SGMS2: variants seen among roughly 807,000 people sequenced by gnomAD.
The protein encoded by SGMS2 is sphingomyelin synthase 2.
SGMS2 carries 21 observed loss-of-function variants against 43.8 expected under a neutral mutation model. The observed-to-expected ratio is 0.48, with a 90% CI of 0.34 to 0.69. The LOEUF (loss-of-function observed/expected upper bound fraction) is 0.69. Among genes scored for constraint, SGMS2 ranks in the 30% least tolerant of loss-of-function variants. The pLI is 0.01. For synonymous variants in SGMS2, 167 were observed against 160.6 expected (o/e 1.04, Z -0.30); for missense variants, 384 against 443.2 (o/e 0.87, Z 1.20).
Position 107,910,403 on chromosome 4 carries a change from C to T in SGMS2, c.948C>T (p.Pro316=). The T allele has an allele frequency of 1.2e-6, 2 of 1,614,066 alleles. No homozygotes were observed. The highest frequency in any genetic ancestry group is 1.7e-6 in the Non-Finnish European group (2 of 1,180,002). The change falls in exon 7 of 7, where the codon CCC becomes CCT. Residue 316 remains proline (P), a synonymous_variant. Coordinates refer to ENST00000690982, the MANE Select transcript of SGMS2 (RefSeq NM_001375905.1). ...TNFLSRAWWF[P]IFYFFEKNVQ... is the part of the protein sequence containing the mutation. ...TCTTATCTCGAGCATGGTGGTTCCC[C>T]ATCTTTTATTTTTTTGAGAAAAATG... is the stretch of plus-strand genomic sequence containing the variant.
intron 2 of SGMS2, among the ~76,000 whole-genome samples, chr4:107,871,787 G>T (rs1350261356): frequency 6.6e-6 from 1 of 152,088 alleles, no homozygotes; most frequent in East Asian, 1.9e-4. Flanking sequence ...AAAAACGTCT[G>T]CATTGAAGGT....
intron 2 of SGMS2, among the ~76,000 whole-genome samples, chr4:107,862,903 G>A (rs1050013061): frequency 2.6e-5 from 4 of 152,122 alleles, no homozygotes; most frequent in Admixed American, 6.6e-5. Flanking sequence ...AGGAAATGCC[G>A]CCTCTACAAG....
intron 1 of SGMS2, among the ~76,000 whole-genome samples, chr4:107,848,014 A>G (rs1726931264): frequency 6.6e-6 from 1 of 152,154 alleles, no homozygotes; most frequent in Non-Finnish European, 1.5e-5. Flanking sequence ...TGTAGCTCTC[A>G]TTGTAGTACT....
In SGMS2 at chr4:107,908,360, C is replaced by T. The variant is rs11724020; in HGVS notation, c.728-205C>T. ...CAGCTTCCCCAGTGAATGACTATTACGCCCGCTGCCAGGGAGCCCCTCTGC... is the reference window on the plus strand; with the variant it reads ...CAGCTTCCCCAGTGAATGACTATTATGCCCGCTGCCAGGGAGCCCCTCTGC... On this transcript the variant is annotated intron_variant, in intron 5 of 6. Coordinates refer to ENST00000690982, the MANE Select transcript of SGMS2 (RefSeq NM_001375905.1). The T allele has an allele frequency of 0.18, 92,331 of 523,356 alleles. 9,207 individuals carry two copies. Among genetic ancestry groups the T allele is most frequent in the Non-Finnish European group, 0.21 (62,470 of 295,906 alleles). The allele number at this position is 523,356 out of a possible 1,614,324, so 32.4% of individuals were successfully genotyped here.
intron 1 of SGMS2, among the ~76,000 whole-genome samples, chr4:107,828,856 A>G (rs983887210): frequency 6.6e-6 from 1 of 152,254 alleles, no homozygotes; most frequent in Non-Finnish European, 1.5e-5. Context: ...GGAGTCGCAC[A>G]GTGGAGCAGT....
chr4:107,847,933 C>G lies in SGMS2; in HGVS notation c.-326-10539C>G, dbSNP rs531026170. 2.0e-5 allele frequency among the ~76,000 whole-genome samples: 3 copies of G among 152,080 alleles called. No individual in the cohort carries two copies. The South Asian group carries it at 6.2e-4, about 31-fold the overall frequency. On this transcript the variant is annotated intron_variant, in intron 1 of 6. Coordinates refer to ENST00000690982, the MANE Select transcript of SGMS2 (RefSeq NM_001375905.1). ...AGGAGCCAATATGATATATTATTAA[C>G]CAAAGTCCATAGTTTAGAGTTCACT...
intron 3 of SGMS2, among the ~76,000 whole-genome samples, chr4:107,897,411 C>T (rs943126730): frequency 2.0e-5 from 3 of 152,148 alleles, no homozygotes; most frequent in East Asian, 3.8e-4. Flanking sequence ...GTGTTTTTCT[C>T]TTTAGTGTCT....
intron 4 of SGMS2, among the ~76,000 whole-genome samples, chr4:107,902,672 A>G (rs1731225104): frequency 6.6e-6 from 1 of 152,182 alleles, no homozygotes; most frequent in Non-Finnish European, 1.5e-5. Context: ...TCATTTTTAA[A>G]GCTGCCAGTA....
At chr4:107,833,817 A>T (rs1726023582) in intron 1 of SGMS2, among the ~76,000 whole-genome samples, 5 of 152,194 alleles carry the variant, frequency 3.3e-5, no homozygotes, top group Non-Finnish European at 7.3e-5. Flanking sequence ...AATCACAAGG[A>T]CCTTCTGAGT....
chr4:107,866,297 G>A (rs918369106), intron 2 of SGMS2, among the ~76,000 whole-genome samples: 3 of 152,138 alleles, frequency 2.0e-5, no homozygotes, highest in Admixed American at 6.5e-5. Context: ...GGGCATTGTG[G>A]CTCACACCTG....
chr4:107,844,655 G>C (rs779388281), intron 1 of SGMS2, among the ~76,000 whole-genome samples: 1 of 152,236 alleles, frequency 6.6e-6, no homozygotes, highest in Middle Eastern at 3.4e-3. Context: ...GCAGTGAGCC[G>C]TGATTGCACC....
intron 1 of SGMS2, among the ~76,000 whole-genome samples, chr4:107,834,337 T>A (rs1346908778): frequency 6.6e-6 from 1 of 152,226 alleles, no homozygotes; most frequent in Non-Finnish European, 1.5e-5. Flanking sequence ...TAACAATTAT[T>A]TAAAATGACA....
chr4:107,905,675 T>TCAAAAAAAAAAA (rs1731497276), intron 5 of SGMS2, among the ~76,000 whole-genome samples: 2 of 152,170 alleles, frequency 1.3e-5, no homozygotes. Context: ...AATCCAGGGG[T>TCAAAAAAAAAAA]TTTGCTTTTA....
intron 1 of SGMS2, among the ~76,000 whole-genome samples, chr4:107,832,264 G>A (rs890636721): frequency 6.6e-6 from 1 of 152,186 alleles, no homozygotes; most frequent in African/African-American, 2.4e-5. Flanking sequence ...TAAAATATAT[G>A]CCATATGGTA....
intron 1 of SGMS2, among the ~76,000 whole-genome samples, chr4:107,842,006 T>C (rs1726540313): frequency 6.6e-6 from 1 of 152,028 alleles, no homozygotes; most frequent in Non-Finnish European, 1.5e-5. Flanking sequence ...AGAATAAAGA[T>C]GTTGGAAGTA....
chr4:107,901,300 G>C (rs376656357), intron 4 of SGMS2, among the ~76,000 whole-genome samples: 3 of 152,176 alleles, frequency 2.0e-5, no homozygotes, highest in African/African-American at 7.2e-5. Context: ...AGTTTGACTA[G>C]AGGTGAGGTG....
At chr4:107,838,633 C>A (rs1726330673) in intron 1 of SGMS2, among the ~76,000 whole-genome samples, 1 of 152,086 alleles carries the variant, frequency 6.6e-6, no homozygotes, top group African/African-American at 2.4e-5. Context: ...CTTTGTCACT[C>A]CACTACTATA....
chr4:107,836,740 G>A (rs1202288775), intron 1 of SGMS2, among the ~76,000 whole-genome samples: 1 of 152,132 alleles, frequency 6.6e-6, no homozygotes, highest in Non-Finnish European at 1.5e-5. Context: ...TGGGAAGCAA[G>A]GCCACTGTAA....
At chr4:107,888,761 T>C (rs923193099) in intron 2 of SGMS2, among the ~76,000 whole-genome samples, 2 of 152,156 alleles carry the variant, frequency 1.3e-5, no homozygotes, top group Non-Finnish European at 2.9e-5. Flanking sequence ...AAGAATGTTT[T>C]CCTACAAATA....
Sources: allele counts gnomAD v4.1 joint callset (sites outside exome capture counted in the v4.1 genomes callset), GRCh38; gene constraint gnomAD v4.1.1; transcripts MANE v1.5; gene names NCBI Gene and HGNC (gene_info 2026-07-23, HGNC 2026-07-21).